Variants in SYNPR observed in about 807,000 individuals in gnomAD.
SYNPR encodes synaptoporin.
A neutral mutation model predicts 32.9 loss-of-function variants in SYNPR; 23 were observed. The observed-to-expected ratio is 0.70, with a 90% confidence interval of 0.50 to 0.99. The LOEUF (loss-of-function observed/expected upper bound fraction) is 0.99, where lower values mean the gene tolerates loss of function less well. Among genes scored for constraint, SYNPR ranks in the 50% least tolerant of loss-of-function variants. SYNPR has a pLI of 0.00. For missense variants in SYNPR, 318 were observed against 349.3 expected, an observed-to-expected ratio of 0.91 and a Z score of 0.71; for synonymous variants, 146 against 135.9, an observed-to-expected ratio of 1.07 and a Z score of -0.52.
intron 4 of SYNPR, 141 bp downstream of exon 4, chr3:63,556,882 A>G: frequency 1.8e-5 from 15 of 852,686 alleles, no homozygotes; most frequent in Non-Finnish European, 2.6e-5. Context: ...AAATCTCTCG[A>G]AGCCACAACA....
chr3:63,604,375 T>C (rs1021789245), intron 4 of SYNPR, among the ~76,000 whole-genome samples: 8 of 152,168 alleles, frequency 5.3e-5, no homozygotes, highest in African/African-American at 1.9e-4. Context: ...TTATTTCTTA[T>C]CTTCTGCTGG....
chr3:63,500,803 T>C (rs1452940263), intron 3 of SYNPR, among the ~76,000 whole-genome samples: 1 of 152,312 alleles, frequency 6.6e-6, no homozygotes, highest in Middle Eastern at 3.4e-3. Context: ...TTCCCAAATA[T>C]ATTAAAAAGT....
intron 2 of SYNPR, among the ~76,000 whole-genome samples, chr3:63,343,292 A>G (rs918357447): frequency 6.6e-6 from 1 of 152,210 alleles, no homozygotes; most frequent in African/African-American, 2.4e-5. Context: ...AAAATCATGC[A>G]CAGATTTATA....
chr3:63,604,606 T>A (rs1700092106), intron 4 of SYNPR, among the ~76,000 whole-genome samples: 1 of 152,212 alleles, frequency 6.6e-6, no homozygotes, highest in Admixed American at 6.6e-5. Flanking sequence ...TACCTAGAAG[T>A]TATCCAGGAG....
At chr3:63,283,575 C>A (rs2086651046) in intron 2 of SYNPR, among the ~76,000 whole-genome samples, 2 of 151,502 alleles carry the variant, frequency 1.3e-5, no homozygotes, top group Admixed American at 1.3e-4. Flanking sequence ...TATTTTCAGA[C>A]CACTCTGGAA....
chr3:63,376,419 T>C (rs1434249453), intron 2 of SYNPR, among the ~76,000 whole-genome samples: 2 of 152,172 alleles, frequency 1.3e-5, no homozygotes, highest in Non-Finnish European at 2.9e-5. Flanking sequence ...TATCCTGGCC[T>C]ATAACATCGT....
rs376392392 is a variant in SYNPR, at chr3:63,364,254, G to T, written c.84+85512G>T. Among the ~76,000 whole-genome samples, 73 of 152,272 alleles carry T rather than the reference G, an allele frequency of 4.8e-4. 1 individual carries two copies. The highest frequency in any genetic ancestry group is 1.7e-3 in the African/African-American group (72 of 41,568). On this transcript the variant is annotated intron_variant, in intron 2 of 5. Transcript: ENST00000478300. ...TATTCTGAATAAATTTCACTTTTGT[G>T]CAAGGTATTAAGAGAGATTTTCAAT...
intron 2 of SYNPR, among the ~76,000 whole-genome samples, chr3:63,321,919 C>A (rs557726461): frequency 5.9e-5 from 9 of 152,220 alleles, no homozygotes; most frequent in African/African-American, 2.2e-4. Flanking sequence ...CCATGTCAGT[C>A]TTGCTGGCAG....
At chr3:63,342,082 ATGTT>A (rs2087376986) in intron 2 of SYNPR, among the ~76,000 whole-genome samples, 1 of 152,178 alleles carries the variant, frequency 6.6e-6, no homozygotes, top group African/African-American at 2.4e-5. Flanking sequence ...TTGCATATAA[ATGTT>A]CAGTTGTTTT....
At position 63,468,250 on chromosome 3, in the gene SYNPR, C is replaced by T. The variant is rs146084273; in HGVS notation, c.85-12582C>T. Among the ~76,000 whole-genome samples, 194 of 151,084 alleles carry T rather than the reference C, an allele frequency of 1.3e-3. 1 individual carries two copies. The highest frequency in any genetic ancestry group is 4.5e-3 in the African/African-American group (183 of 41,102). Reference sequence around the variant, plus strand: ...AATCAAAACGAGTCCATGAATGTCTCGAAGTAGAAGCAGTGTAGAGATGCA... The same window carrying T: ...AATCAAAACGAGTCCATGAATGTCTTGAAGTAGAAGCAGTGTAGAGATGCA... On this transcript the variant is annotated intron_variant, in intron 2 of 5. Coordinates refer to ENST00000478300, the MANE Select transcript of SYNPR (RefSeq NM_001130003.2).
chr3:63,511,209 G>A (rs1372943837), intron 3 of SYNPR, among the ~76,000 whole-genome samples: 1 of 152,050 alleles, frequency 6.6e-6, no homozygotes, highest in Admixed American at 6.6e-5. Flanking sequence ...CTGCTCACGG[G>A]CTGGGGTGCT....
chr3:63,549,540 C>T (rs1212651973), intron 3 of SYNPR, among the ~76,000 whole-genome samples: 13 of 152,102 alleles, frequency 8.5e-5, no homozygotes, highest in African/African-American at 3.1e-4. Flanking sequence ...TAACAGCAAT[C>T]GTACCCACTG....
intron 3 of SYNPR, among the ~76,000 whole-genome samples, chr3:63,492,497 T>C (rs188578613): frequency 9.8e-5 from 15 of 152,296 alleles, no homozygotes; most frequent in Admixed American, 9.8e-4. Flanking sequence ...ATAAGACTCT[T>C]TGAACCTCGT....
At chr3:63,201,942 T>C in the SYNPR span, among the ~76,000 whole-genome samples, 1 of 152,180 alleles carries the variant, frequency 6.6e-6, no homozygotes, top group African/African-American at 2.4e-5. Flanking sequence ...AAAAGAGGTA[T>C]GTACTGGTTG....
Position 63,595,907 on chromosome 3 carries a change from A to ATATATATATAGTTT in SYNPR, c.409-13207_409-13194dup, listed in dbSNP as rs1559546599. ...TATATATAGTTTTATATATATAGTT[A>ATATATATATAGTTT]TATATATATAGTTTTATATATATAT... On this transcript the variant is annotated intron_variant, in intron 4 of 5. Transcript: ENST00000478300. Among the ~76,000 whole-genome samples the ATATATATATAGTTT allele has an allele frequency of 8.5e-3, 700 of 82,066 alleles. 6 individuals are homozygous for ATATATATATAGTTT. The highest frequency in any genetic ancestry group is 0.019 in the Middle Eastern group (3 of 162). The allele number at this position is 82,066 out of a possible 152,430, so 53.8% of individuals were successfully genotyped here. A position where few individuals can be genotyped will look rare whatever the true frequency, so the allele number is the denominator to read the frequency against.
intron 2 of SYNPR, among the ~76,000 whole-genome samples, chr3:63,299,283 T>C (rs2086820057): frequency 6.6e-6 from 1 of 152,142 alleles, no homozygotes; most frequent in African/African-American, 2.4e-5. Context: ...AAGAGTTTTT[T>C]TTAGCATCAT....
intron 2 of SYNPR, among the ~76,000 whole-genome samples, chr3:63,380,288 G>C (rs1480085870): frequency 6.6e-6 from 1 of 152,140 alleles, no homozygotes; most frequent in Admixed American, 6.6e-5. Flanking sequence ...GGTTAAACTA[G>C]TTTACAGTCC....
intron 3 of SYNPR, among the ~76,000 whole-genome samples, chr3:63,485,136 A>G (rs1474123951): frequency 6.6e-6 from 1 of 152,144 alleles, no homozygotes; most frequent in African/African-American, 2.4e-5. Flanking sequence ...TTTAAGAGTC[A>G]TCATCATGAA....
At chr3:63,351,569 G>C (rs549186122) in intron 2 of SYNPR, 20 of 152,222 alleles carry the variant, frequency 1.3e-4, no homozygotes, top group African/African-American at 4.8e-4. Context: ...TGGGAGCAGT[G>C]GGTGATAACA....
Sources: allele counts gnomAD v4.1 joint callset (sites outside exome capture counted in the v4.1 genomes callset), GRCh38; gene constraint gnomAD v4.1.1; transcripts MANE v1.5; gene names NCBI Gene and HGNC (gene_info 2026-07-23, HGNC 2026-07-21).